DGKI: variants seen among roughly 807,000 people sequenced by gnomAD.
DGKI encodes the protein diacylglycerol kinase iota.
In DGKI, 55 loss-of-function variants were observed where a neutral mutation model predicts 147.5. That is an observed-to-expected ratio of 0.37 (90% CI 0.30 to 0.47). The LOEUF is 0.47. Ranked by LOEUF, DGKI falls within the 20% of genes least tolerant of loss-of-function variation. The pLI, the probability that DGKI is intolerant of heterozygous loss-of-function variation, is 1.00. For missense variants in DGKI, 1,007 were observed against 1,323.8 expected (o/e 0.76, Z 3.71); for synonymous variants, 469 against 477.1 (o/e 0.98, Z 0.22).
At chr7:137,618,152 T>TATATATATATATATATA (rs1554442534) in intron 8 of DGKI, among the ~76,000 whole-genome samples, 5 of 14,384 alleles carry the variant, frequency 3.5e-4, no homozygotes, top group African/African-American at 6.5e-4. Flanking sequence ...TATATATATA[T>TATATATATATATATATA]TTTTTTTTTT....
intron 1 of DGKI, among the ~76,000 whole-genome samples, chr7:137,729,897 C>A (rs1794821591): frequency 6.6e-6 from 1 of 152,074 alleles, no homozygotes; most frequent in Admixed American, 6.6e-5. Context: ...AAAGAGGATT[C>A]ATCTTGCTCG....
At chr7:137,520,959 G>T (rs1438762586) in intron 21 of DGKI, among the ~76,000 whole-genome samples, 1 of 151,978 alleles carries the variant, frequency 6.6e-6, no homozygotes, top group African/African-American at 2.4e-5. Context: ...GAGACCATTT[G>T]GGGACTGGGT....
intron 1 of DGKI, among the ~76,000 whole-genome samples, chr7:137,708,853 G>A (rs1794126883): frequency 6.6e-6 from 1 of 152,172 alleles, no homozygotes; most frequent in African/African-American, 2.4e-5. Context: ...GACAGAAACA[G>A]GATTTGAAGT....
intron 20 of DGKI, among the ~76,000 whole-genome samples, chr7:137,523,510 A>G (rs555777467): frequency 2.6e-4 from 40 of 152,160 alleles, no homozygotes; most frequent in African/African-American, 7.5e-4. Flanking sequence ...GTGTAGATAT[A>G]CATGCACAAA....
intron 1 of DGKI, among the ~76,000 whole-genome samples, chr7:137,693,490 A>G (rs1823680941): frequency 6.6e-6 from 1 of 152,252 alleles, no homozygotes; most frequent in African/African-American, 2.4e-5. Context: ...GTTAATATCA[A>G]TTACCTGAAA....
intron 21 of DGKI, among the ~76,000 whole-genome samples, chr7:137,516,570 C>A (rs570609790): frequency 1.3e-5 from 2 of 152,056 alleles, no homozygotes; most frequent in East Asian, 3.9e-4. Flanking sequence ...AGAAAAAAAG[C>A]TCCAGAAAAT....
chr7:137,489,400 A>G (rs1014712901), intron 21 of DGKI, among the ~76,000 whole-genome samples: 1 of 152,168 alleles, frequency 6.6e-6, no homozygotes, highest in Non-Finnish European at 1.5e-5. Flanking sequence ...TGGGGGAGTA[A>G]TAATCATTCT....
chr7:137,433,773 T>C (rs1563016673), intron 28 of DGKI, among the ~76,000 whole-genome samples: 1 of 152,238 alleles, frequency 6.6e-6, no homozygotes, highest in Non-Finnish European at 1.5e-5. Flanking sequence ...TCTTCACTTG[T>C]TGCCAGACAC....
intron 1 of DGKI, among the ~76,000 whole-genome samples, chr7:137,735,625 G>A (rs1222458310): frequency 6.6e-6 from 1 of 152,084 alleles, no homozygotes; most frequent in African/African-American, 2.4e-5. Context: ...TGAATAGCAA[G>A]TCATTTTCTT....
intron 21 of DGKI, among the ~76,000 whole-genome samples, chr7:137,511,181 A>G (rs1325067416): frequency 1.3e-5 from 2 of 152,238 alleles, no homozygotes; most frequent in Non-Finnish European, 1.5e-5. Flanking sequence ...AATTGCTCTT[A>G]TTAGCAAAGG....
chr7:137,522,897 T>C (rs573157553), intron 20 of DGKI, among the ~76,000 whole-genome samples: 1 of 151,980 alleles, frequency 6.6e-6, no homozygotes, highest in South Asian at 2.1e-4. Flanking sequence ...ATTTCATTGG[T>C]TGAGAGAATT....
rs114887434 is a variant in DGKI at position 137,497,348 on chromosome 7, G to A, written c.2249-9659C>T. Among the ~76,000 whole-genome samples the A allele has an allele frequency of 7.6e-3, 1,154 of 152,292 alleles. 11 individuals are homozygous for A. The highest frequency in any genetic ancestry group is 0.026 in the African/African-American group (1,100 of 41,576). Reference sequence around the variant, plus strand: ...GTGCTTATACACTGCTAATGGGAATGTAAATTATTGCAGCCATTGTGGAAA... The same window carrying A: ...GTGCTTATACACTGCTAATGGGAATATAAATTATTGCAGCCATTGTGGAAA... On this transcript the variant is annotated intron_variant, in intron 21 of 32. Transcript: ENST00000614521.
At chr7:137,840,916 G>T (rs1024535398) in intron 1 of DGKI, among the ~76,000 whole-genome samples, 17 of 152,192 alleles carry the variant, frequency 1.1e-4, no homozygotes, top group African/African-American at 4.1e-4. Context: ...CTTAGTTTGG[G>T]GAATGGTAAT....
At position 137,599,960 on chromosome 7, in the gene DGKI, A is replaced by G. The variant is rs1408952675; in HGVS notation, c.1168-55T>C. ...TAATAGGAAGAAATTTCCCAAGAAT[A>G]ACTGCTCATTTAAAAAATAAATACT... On this transcript the variant is annotated intron_variant, in intron 10 of 32. Transcript: ENST00000614521. 2.9e-6 allele frequency: 4 copies of G among 1,386,894 alleles called. No individual in the cohort carries two copies. The African/African-American group carries it at 4.3e-5, about 15-fold the overall frequency. The allele number at this position is 1,386,894 out of a possible 1,614,324, so 85.9% of individuals were successfully genotyped here. A position where few individuals can be genotyped will look rare whatever the true frequency, so the allele number is the denominator to read the frequency against.
chr7:137,408,079 G>T, intron 29 of DGKI, 84 bp from the exon 30 acceptor site: 1 of 1,510,822 alleles, frequency 6.6e-7, no homozygotes, highest in Non-Finnish European at 9.0e-7. Context: ...TGAGAGTCAT[G>T]TAGCAGACCA....
At chr7:137,826,210 T>G (rs760142232) in intron 1 of DGKI, among the ~76,000 whole-genome samples, 4 of 152,214 alleles carry the variant, frequency 2.6e-5, no homozygotes, top group Non-Finnish European at 4.4e-5. Flanking sequence ...CTTTTCTATG[T>G]TTCTCTATTT....
chr7:137,609,444 A>C, intron 9 of DGKI, 91 bp downstream of exon 9: 2 of 936,962 alleles, frequency 2.1e-6, no homozygotes, highest in South Asian at 3.0e-5. Flanking sequence ...AAGATAGATC[A>C]GAAAAATCAA....
At chr7:137,618,126 A>G (rs1820598212) in intron 8 of DGKI, among the ~76,000 whole-genome samples, 1 of 11,750 alleles carries the variant, frequency 8.5e-5, no homozygotes, top group Non-Finnish European at 4.4e-4. Flanking sequence ...TTTCTAAAAT[A>G]CTATATATAT....
At chr7:137,647,236 C>G (rs971042564) in intron 5 of DGKI, among the ~76,000 whole-genome samples, 1 of 152,126 alleles carries the variant, frequency 6.6e-6, no homozygotes, top group Non-Finnish European at 1.5e-5. Context: ...TGGAATATAT[C>G]AGTAAAATCC....
Sources: allele counts gnomAD v4.1 joint callset (sites outside exome capture counted in the v4.1 genomes callset), GRCh38; gene constraint gnomAD v4.1.1; transcripts MANE v1.5; gene names NCBI Gene and HGNC (gene_info 2026-07-23, HGNC 2026-07-21).